Variants in SH3D19 observed in about 807,000 individuals in gnomAD.
SH3D19 encodes SH3 domain-containing protein 19.
A neutral mutation model predicts 112.1 loss-of-function variants in SH3D19; 58 were observed. That is an observed-to-expected ratio of 0.52 (90% CI 0.42 to 0.64). SH3D19 has a LOEUF of 0.64. Among genes scored for constraint, SH3D19 ranks in the 30% least tolerant of loss-of-function variants. The pLI is 0.00. For missense variants in SH3D19, 1,090 were observed against 1,263.4 expected (o/e 0.86, Z 2.08); for synonymous variants, 391 against 448.5 (o/e 0.87, Z 1.62).
intron 2 of SH3D19, among the ~76,000 whole-genome samples, chr4:151,213,582 C>A (rs1368130569): frequency 6.6e-6 from 1 of 152,114 alleles, no homozygotes; most frequent in Non-Finnish European, 1.5e-5. Context: ...GAGGTCAAGG[C>A]TGCAGTGAGC....
chr4:151,311,854 C>T (rs113786793), intron 1 of SH3D19, among the ~76,000 whole-genome samples: 1 of 152,138 alleles, frequency 6.6e-6, no homozygotes, highest in African/African-American at 2.4e-5. Context: ...ATAAAAGAAC[C>T]AGAGAGCAGA....
chr4:151,154,236 G>A (rs1035346171), intron 9 of SH3D19, among the ~76,000 whole-genome samples: 6 of 150,454 alleles, frequency 4.0e-5, no homozygotes, highest in African/African-American at 1.2e-4. Flanking sequence ...AGGTTCAAGC[G>A]ATTCTCCTGC....
At chr4:151,306,226 T>A (rs1454353497) in intron 1 of SH3D19, among the ~76,000 whole-genome samples, 1 of 152,186 alleles carries the variant, frequency 6.6e-6, no homozygotes, top group African/African-American at 2.4e-5. Flanking sequence ...AAACTACATG[T>A]GTAATAAAAT....
rs534775270 is a variant in SH3D19 at position 151,266,410 on chromosome 4, T to C, written c.113-40324A>G. Reference sequence around the variant, plus strand: ...TTTGTAAAGATGAGCTATTTCATCTTTGTAAGTGAAATGCTCATGGAGATT... The same window carrying C: ...TTTGTAAAGATGAGCTATTTCATCTCTGTAAGTGAAATGCTCATGGAGATT... On this transcript the variant is annotated intron_variant, in intron 1 of 19. Transcript: ENST00000604030. 3.9e-5 allele frequency among the ~76,000 whole-genome samples: 6 copies of C among 152,348 alleles called. No individual in the cohort carries two copies. The South Asian group carries it at 1.2e-3, about 32-fold the overall frequency.
chr4:151,144,094 A>T (rs751185384), intron 11 of SH3D19, 44 bp from the exon 12 acceptor site: 23 of 1,591,794 alleles, frequency 1.4e-5, no homozygotes, highest in Non-Finnish European at 2.0e-5. Flanking sequence ...ATTATTTAAT[A>T]AAACATTATT....
At chr4:151,315,321 T>C (rs916040004) in intron 1 of SH3D19, among the ~76,000 whole-genome samples, 2 of 152,210 alleles carry the variant, frequency 1.3e-5, no homozygotes, top group Non-Finnish European at 2.9e-5. Flanking sequence ...ATTAACTTGT[T>C]ATTTGATTAT....
intron 1 of SH3D19, among the ~76,000 whole-genome samples, chr4:151,242,910 T>C (rs1459225660): frequency 2.0e-5 from 3 of 152,136 alleles, no homozygotes; most frequent in African/African-American, 7.2e-5. Flanking sequence ...CAGATATACA[T>C]AGGAAGCTGA....
intron 1 of SH3D19, among the ~76,000 whole-genome samples, chr4:151,230,332 C>A (rs1580282405): frequency 6.6e-6 from 1 of 152,312 alleles, no homozygotes; most frequent in East Asian, 1.9e-4. Flanking sequence ...CAAATGCCAT[C>A]TTTGCTTTGA....
At chr4:151,258,756 G>C (rs926937910) in intron 1 of SH3D19, among the ~76,000 whole-genome samples, 2 of 152,132 alleles carry the variant, frequency 1.3e-5, no homozygotes, top group Non-Finnish European at 2.9e-5. Context: ...GGAGAGGAGG[G>C]GGTGAAGCAG....
At chr4:151,298,621 G>A (rs1728021598) in intron 1 of SH3D19, among the ~76,000 whole-genome samples, 1 of 144,410 alleles carries the variant, frequency 6.9e-6, no homozygotes, top group African/African-American at 2.6e-5. Flanking sequence ...TCAGAAGAGA[G>A]GGCAGGACTA....
rs1554037659 is a variant in SH3D19, at chr4:151,150,206, AATAT to A, written c.1756-649_1756-646del. Among the ~76,000 whole-genome samples the A allele has an allele frequency of 3.9e-3, 182 of 46,160 alleles. 4 individuals are homozygous for A. Among genetic ancestry groups the A allele is most frequent in the African/African-American group, 0.01 (145 of 13,964 alleles). The allele number at this position is 46,160 out of a possible 152,430, so 30.3% of individuals were successfully genotyped here. ...TCTCAAAAAAAAAAAAAAAAAAAAA[AATAT>A]ATATATATATATATATATACACACA... On this transcript the variant is annotated intron_variant, in intron 9 of 19. Transcript: ENST00000604030.
rs141542097 is a variant in SH3D19 at position 151,270,262 on chromosome 4, G to A, written c.113-44176C>T. On this transcript the variant is annotated intron_variant, in intron 1 of 19. Transcript: ENST00000604030. Reference sequence around the variant, plus strand: ...GGTGGGGCCTGGTGGGAGGTGATTGGATCACAGGGGTGAGTTTCTCCTGAA... The same window carrying A: ...GGTGGGGCCTGGTGGGAGGTGATTGAATCACAGGGGTGAGTTTCTCCTGAA... 6.8e-3 allele frequency among the ~76,000 whole-genome samples: 1,029 copies of A among 152,222 alleles called. 14 individuals are homozygous for A. The highest frequency in any genetic ancestry group is 0.023 in the African/African-American group (966 of 41,526).
At chr4:151,127,851 A>G in intron 18 of SH3D19, 136 bp from the exon 19 acceptor site, 1 of 484,862 alleles carries the variant, frequency 2.1e-6, no homozygotes, top group South Asian at 6.1e-5. Context: ...TTAGGCAAAG[A>G]AAAACATTTT....
intron 2 of SH3D19, among the ~76,000 whole-genome samples, chr4:151,222,505 C>T (rs967773612): frequency 6.6e-6 from 1 of 151,920 alleles, no homozygotes; most frequent in South Asian, 2.1e-4. Context: ...CTATTCTACA[C>T]CTTAAAAAGT....
chr4:151,318,718 A>G (rs1730257391), intron 1 of SH3D19, among the ~76,000 whole-genome samples: 1 of 152,202 alleles, frequency 6.6e-6, no homozygotes, highest in African/African-American at 2.4e-5. Context: ...TTCAAACCCA[A>G]TGCAATAGGA....
intron 2 of SH3D19, among the ~76,000 whole-genome samples, chr4:151,210,696 T>C (rs1765830452): frequency 6.6e-6 from 1 of 151,088 alleles, no homozygotes; most frequent in Non-Finnish European, 1.5e-5. Flanking sequence ...CCACTGTGCC[T>C]GGCCCCCCAG....
intron 1 of SH3D19, among the ~76,000 whole-genome samples, chr4:151,274,634 T>G (rs1773452985): frequency 6.6e-6 from 1 of 152,226 alleles, no homozygotes; most frequent in African/African-American, 2.4e-5. Context: ...TAAGCTGTCA[T>G]GAATCCAGAG....
rs544462228 is a variant in SH3D19, at chr4:151,283,225, C to T, written c.112+42016G>A. Reference sequence around the variant, plus strand: ...GGTATCTTCTTGCCAGCACTGGAGCCAGTCATCAAGGAAGACAAGATTTGT... The same window carrying T: ...GGTATCTTCTTGCCAGCACTGGAGCTAGTCATCAAGGAAGACAAGATTTGT... On this transcript the variant is annotated intron_variant, in intron 1 of 19. Coordinates refer to ENST00000604030, the MANE Select transcript of SH3D19 (RefSeq NM_001378122.1). 51 of 1,613,816 alleles carry T rather than the reference C, an allele frequency of 3.2e-5. No individual in the cohort carries two copies. The South Asian group carries it at 5.1e-4, about 16-fold the overall frequency.
intron 1 of SH3D19, among the ~76,000 whole-genome samples, chr4:151,296,921 C>T (rs1371342724): frequency 6.6e-6 from 1 of 152,050 alleles, no homozygotes; most frequent in Non-Finnish European, 1.5e-5. Flanking sequence ...AATGTGAGGA[C>T]ATTACAGAAA....
Sources: allele counts gnomAD v4.1 joint callset (sites outside exome capture counted in the v4.1 genomes callset), GRCh38; gene constraint gnomAD v4.1.1; transcripts MANE v1.5; gene names NCBI Gene and HGNC (gene_info 2026-07-23, HGNC 2026-07-21).